Variants in PHF21A observed in about 807,000 individuals in gnomAD.
PHF21A encodes the protein PHD finger protein 21A, also known as BHC80a.
A neutral mutation model predicts 82.5 loss-of-function variants in PHF21A; 11 were observed. The ratio of observed to expected loss-of-function variants is 0.13; its 90% CI spans 0.08 to 0.22. PHF21A has a LOEUF of 0.22. PHF21A is among the 10% of genes least tolerant of loss of function. The probability of loss-of-function intolerance (pLI) is 1.00; values close to 1 mark genes in which losing one functional copy is unlikely to be tolerated. For missense variants in PHF21A, 579 were observed against 837.8 expected, an observed-to-expected ratio of 0.69 and a Z score of 3.81; for synonymous variants, 297 against 302.8, an observed-to-expected ratio of 0.98 and a Z score of 0.20.
At chr11:46,112,777 T>C (rs901184425) in intron 1 of PHF21A, among the ~76,000 whole-genome samples, 3 of 152,108 alleles carry the variant, frequency 2.0e-5, no homozygotes, top group Admixed American at 6.5e-5. Context: ...GAACAGCATA[T>C]ATATCAGGCT....
At chr11:46,053,052 TG>T (rs906326226) in intron 6 of PHF21A, among the ~76,000 whole-genome samples, 3 of 152,204 alleles carry the variant, frequency 2.0e-5, no homozygotes, top group Non-Finnish European at 4.4e-5. Flanking sequence ...TCGAGTAATG[TG>T]CCCCCTCCCA....
At chr11:45,942,509 A>C (rs1249248720) in intron 15 of PHF21A, among the ~76,000 whole-genome samples, 1 of 152,224 alleles carries the variant, frequency 6.6e-6, no homozygotes, top group Non-Finnish European at 1.5e-5. Flanking sequence ...CTAGCAAACA[A>C]GATTTCTGAG....
At chr11:46,048,502 GCT>G (rs1038564289) in intron 6 of PHF21A, among the ~76,000 whole-genome samples, 2 of 152,114 alleles carry the variant, frequency 1.3e-5, no homozygotes, top group African/African-American at 4.8e-5. Flanking sequence ...GGGAGTGGTG[GCT>G]CATACCTGTA....
At chr11:46,118,074 A>C (rs1851865005) in intron 1 of PHF21A, 1 of 152,168 alleles carries the variant, frequency 6.6e-6, no homozygotes, top group African/African-American at 2.4e-5. Context: ...TCTTCATGTA[A>C]GCAGAAGAAG....
chr11:46,040,301 G>C (rs2096103519), intron 6 of PHF21A, among the ~76,000 whole-genome samples: 1 of 152,190 alleles, frequency 6.6e-6, no homozygotes, highest in African/African-American at 2.4e-5. Context: ...GGAGGTGCTG[G>C]AAGGAAATAC....
chr11:46,108,744 T>G (rs1172050383), intron 1 of PHF21A, among the ~76,000 whole-genome samples: 1 of 152,126 alleles, frequency 6.6e-6, no homozygotes, highest in Non-Finnish European at 1.5e-5. Flanking sequence ...TCTAACACTC[T>G]AAAACGTTGA....
intron 3 of PHF21A, among the ~76,000 whole-genome samples, chr11:46,087,320 G>A (rs967577840): frequency 2.0e-5 from 3 of 152,250 alleles, no homozygotes; most frequent in Admixed American, 6.5e-5. Context: ...AGAGTGCCTC[G>A]CACAATAATA....
At position 46,066,218 on chromosome 11, in the gene PHF21A, T is replaced by C. The variant is rs117496034; in HGVS notation, c.153+10536A>G. 3.6e-3 allele frequency among the ~76,000 whole-genome samples: 552 copies of C among 152,268 alleles called. 10 individuals are homozygous for C. The South Asian group carries it at 0.043, about 12-fold the overall frequency. On this transcript the variant is annotated intron_variant, in intron 6 of 18. Coordinates refer to ENST00000676320, the MANE Select transcript of PHF21A (RefSeq NM_001352027.3). ...TTCTCTGGTAGAGGAGGTAGTGAAC[T>C]GGGGAAGGACGAAGGGATTTATGTT... is the stretch of plus-strand genomic sequence containing the variant.
At chr11:46,112,640 A>T (rs2136050999) in intron 1 of PHF21A, among the ~76,000 whole-genome samples, 1 of 152,354 alleles carries the variant, frequency 6.6e-6, no homozygotes, top group African/African-American at 2.4e-5. Flanking sequence ...ATTCCAGTTA[A>T]AGCGTACAGA....
In PHF21A at chr11:45,934,177, G is replaced by A. The variant is rs752969599; in HGVS notation, c.1837C>T (p.His613Tyr). 5 of 1,613,816 alleles carry A rather than the reference G, an allele frequency of 3.1e-6. No individual in the cohort carries two copies. The African/African-American group carries it at 6.7e-5, about 22-fold the overall frequency. ...NTILARQKEM[H>Y]SSLEKVKQLI... ...TGTTTTACCTTCTCCAGGGAGCTGT[G>A]CATCTCCTTCTGCCGGGCCAGGATG... Residue 613 changes from histidine (H) to tyrosine (Y), a missense_variant, in exon 19 of 19, where the codon CAC (histidine) becomes TAC (tyrosine). By Grantham distance (83) the His-to-Tyr change is moderately conservative. Coordinates refer to ENST00000676320, the MANE Select transcript of PHF21A (RefSeq NM_001352027.3).
intron 10 of PHF21A, 143 bp from the exon 11 acceptor site, chr11:45,953,768 T>C (rs2092387999): frequency 1.7e-6 from 1 of 602,162 alleles, no homozygotes; most frequent in Non-Finnish European, 2.9e-6. Flanking sequence ...GTTAGTATTA[T>C]AGATTTCATT....
rs1235735898 is a variant in PHF21A at position 46,014,862 on chromosome 11, C to A, written c.154-34896G>T. On this transcript the variant is annotated intron_variant, in intron 6 of 18. Transcript: ENST00000676320. The stretch of plus-strand genomic sequence containing the variant: ...GGGCGTAGTGGCGGGCGCCTGTAGT[C>A]CCAGCTACTCGGGAGGCTGAGGCAG... Among the ~76,000 whole-genome samples the A allele has an allele frequency of 6.2e-5, 6 of 96,588 alleles. 2 individuals are homozygous for A. Among genetic ancestry groups the A allele is most frequent in the Non-Finnish European group, 1.1e-4 (6 of 54,340 alleles). The allele number at this position is 96,588 out of a possible 152,430, so 63.4% of individuals were successfully genotyped here. A position where few individuals can be genotyped will look rare whatever the true frequency, so the allele number is the denominator to read the frequency against.
At chr11:45,986,821 T>C (rs1284483809) in intron 6 of PHF21A, among the ~76,000 whole-genome samples, 3 of 152,182 alleles carry the variant, frequency 2.0e-5, no homozygotes, top group Non-Finnish European at 4.4e-5. Context: ...TTATTTCCAA[T>C]GTCAATTATA....
chr11:45,978,357 A>ATTATTATTATT (rs1318330034), intron 7 of PHF21A, among the ~76,000 whole-genome samples: 44 of 144,808 alleles, frequency 3.0e-4, no homozygotes, highest in African/African-American at 1.1e-3. Context: ...TAATAATAAT[A>ATTATTATTATT]ACTTCCTCTT....
At chr11:46,058,603 A>G (rs1358554301) in intron 6 of PHF21A, among the ~76,000 whole-genome samples, 1 of 152,164 alleles carries the variant, frequency 6.6e-6, no homozygotes, top group African/African-American at 2.4e-5. Context: ...AAAATGACTG[A>G]CCCTAAACAT....
At position 46,076,963 on chromosome 11, in the gene PHF21A, G is replaced by A. The variant is rs1489658640; in HGVS notation, c.88-144C>T. 2.5e-5 allele frequency: 15 copies of A among 611,038 alleles called. No individual in the cohort carries two copies. The Admixed American group carries it at 3.7e-4, about 15-fold the overall frequency. The allele number at this position is 611,038 out of a possible 1,614,324, so 37.9% of individuals were successfully genotyped here. ...CAAATCTGTCATGCATTACACTGTG[G>A]CCATAATACCATCACCTAATGCACA... On this transcript the variant is annotated intron_variant, in intron 5 of 18. Transcript: ENST00000676320.
At chr11:45,978,024 G>A (rs114456090) in intron 7 of PHF21A, among the ~76,000 whole-genome samples, 292 of 152,038 alleles carry the variant, frequency 1.9e-3, no homozygotes, top group African/African-American at 4.0e-3. Flanking sequence ...ATGGTGGGCC[G>A]GTTGCGGTGG....
chr11:46,053,178 T>C (rs900761896), intron 6 of PHF21A, among the ~76,000 whole-genome samples: 5 of 152,192 alleles, frequency 3.3e-5, no homozygotes, highest in African/African-American at 1.2e-4. Context: ...TGATAAATGT[T>C]TGGTTTCACA....
chr11:46,024,831 G>A (rs778100794), intron 6 of PHF21A, among the ~76,000 whole-genome samples: 4 of 151,850 alleles, frequency 2.6e-5, no homozygotes, highest in African/African-American at 4.8e-5. Flanking sequence ...AAAGACTTAG[G>A]GACTTCTTTA....
Sources: gnomAD v4.1 joint callset for allele counts (sites outside exome capture counted in the v4.1 genomes callset) on GRCh38, gnomAD v4.1.1 for gene constraint, MANE v1.5 for transcripts, NCBI Gene and HGNC (gene_info 2026-07-23, HGNC 2026-07-21) for gene names.